The following EIF4ENIF1 variants were observed in gnomAD, a reference collection of about 807,000 sequenced individuals.
The protein encoded by EIF4ENIF1 is eukaryotic translation initiation factor 4E transporter.
EIF4ENIF1 carries 23 observed loss-of-function variants against 110.5 expected under a neutral mutation model. The ratio of observed to expected loss-of-function variants is 0.21; its 90% CI spans 0.15 to 0.29. The LOEUF (loss-of-function observed/expected upper bound fraction) is 0.29. EIF4ENIF1 is among the 10% of genes least tolerant of loss of function. The pLI, the probability that EIF4ENIF1 is intolerant of heterozygous loss-of-function variation, is 1.00. For missense variants in EIF4ENIF1, 1,031 were observed against 1,221.1 expected, an observed-to-expected ratio of 0.84 and a Z score of 2.32; for synonymous variants, 440 against 437.0, an observed-to-expected ratio of 1.01 and a Z score of -0.09.
At chr22:31,484,065 C>T (rs1288942882) in intron 2 of EIF4ENIF1, among the ~76,000 whole-genome samples, 1 of 152,154 alleles carries the variant, frequency 6.6e-6, no homozygotes, top group Non-Finnish European at 1.5e-5. Context: ...TTACTTGACA[C>T]CACCAACACC....
rs753934692 is a variant in EIF4ENIF1 at position 31,455,276 on chromosome 22, C to T, written c.1139G>A (p.Gly380Glu). 8.7e-6 allele frequency: 14 copies of T among 1,611,300 alleles called. No homozygotes were observed. Among genetic ancestry groups the T allele is most frequent in the South Asian group, 2.2e-5 (2 of 90,110 alleles). ...QAILSPGQNS[G>E]NYFAPIPLED... ...CAATGGTATAGGAGCAAAGTAATTC[C>T]CCGAGTTCTGTCCAGGAGAGAGGAT... is the stretch of plus-strand genomic sequence containing the variant. Residue 380 changes from glycine to glutamate, a missense_variant, in exon 9 of 19, where the codon GGG becomes GAG. By Grantham distance (98) the Gly-to-Glu change is moderately conservative (BLOSUM62 -2). Transcript: ENST00000330125.
In EIF4ENIF1 at chr22:31,449,257, ACCTCGG is replaced by A. The variant is rs1349443598; in HGVS notation, c.1768+85_1768+90del. The A allele has an allele frequency of 3.6e-6, 5 of 1,378,294 alleles. No individual in the cohort carries two copies. In the East Asian group the frequency reaches 7.0e-5, roughly 19 times the overall value. 85.4% of individuals were successfully genotyped at this position (1,378,294 alleles called of 1,614,324 possible). A position where few individuals can be genotyped will look rare whatever the true frequency, so the allele number is the denominator to read the frequency against. ...ACTTCTGACCTCAGGTGATCTGCCC[ACCTCGG>A]CCTCCCAGAGTGCTGGAATTACAGG... On this transcript the variant is annotated intron_variant, in intron 12 of 18. Coordinates refer to ENST00000330125, the MANE Select transcript of EIF4ENIF1 (RefSeq NM_019843.4).
chr22:31,490,781 G>A (rs2052250125), upstream of EIF4ENIF1, among the ~76,000 whole-genome samples: 1 of 152,174 alleles, frequency 6.6e-6, no homozygotes, highest in Admixed American at 6.6e-5. Context: ...CTGCCCTGTG[G>A]TACTGCGCAG....
At chr22:31,447,635 C>G in intron 13 of EIF4ENIF1, 70 bp from the exon 14 acceptor site, 1 of 1,505,532 alleles carries the variant, frequency 6.6e-7, no homozygotes, top group Non-Finnish European at 8.9e-7. Context: ...GGTTTCTCTT[C>G]ACTCTTAGAA....
At chr22:31,470,964 A>G (rs536019023) in intron 3 of EIF4ENIF1, among the ~76,000 whole-genome samples, 1 of 150,668 alleles carries the variant, frequency 6.6e-6, no homozygotes, top group African/African-American at 2.4e-5. Context: ...GTGAGCCCAG[A>G]TCGCGCCAAT....
At chr22:31,464,203 G>A in intron 4 of EIF4ENIF1, 3 of 488,526 alleles carry the variant, frequency 6.1e-6, no homozygotes, top group South Asian at 7.0e-5. Context: ...AATTTTCCAT[G>A]ATTAGTCTTT....
chr22:31,463,197 G>A, intron 5 of EIF4ENIF1, 64 bp from the exon 6 acceptor site: 1 of 1,493,140 alleles, frequency 6.7e-7, no homozygotes, highest in Non-Finnish European at 9.2e-7. Context: ...TTCAGTCAAG[G>A]TCTTCGTTGT....
intron 2 of EIF4ENIF1, among the ~76,000 whole-genome samples, chr22:31,477,430 T>G (rs1365070357): frequency 6.6e-6 from 1 of 151,214 alleles, no homozygotes; most frequent in African/African-American, 2.4e-5. Context: ...AGTTAATGTT[T>G]TGTTCAATAT....
intron 4 of EIF4ENIF1, among the ~76,000 whole-genome samples, chr22:31,465,646 T>C (rs1051014437): frequency 2.6e-5 from 4 of 152,212 alleles, no homozygotes; most frequent in Non-Finnish European, 5.9e-5. Flanking sequence ...ACATCTGCTA[T>C]ACAACCCAGC....
In EIF4ENIF1 at chr22:31,488,612, G is replaced by A. The variant is rs367757481; in HGVS notation, c.96+11C>T. On this transcript the variant is annotated intron_variant, in intron 2 of 18. Transcript: ENST00000330125. Reference sequence around the variant, plus strand: ...AAAAAGAAACACTATTTCATTAGTGGCAAACCTTACTTTTGTATAGCGATG... The same window carrying A: ...AAAAAGAAACACTATTTCATTAGTGACAAACCTTACTTTTGTATAGCGATG... 5 of 1,613,730 alleles carry A rather than the reference G, an allele frequency of 3.1e-6. No individual in the cohort carries two copies. In the East Asian group the frequency reaches 8.9e-5, roughly 29 times the overall value.
At chr22:31,477,833 G>A (rs539023978) in intron 2 of EIF4ENIF1, among the ~76,000 whole-genome samples, 1 of 152,304 alleles carries the variant, frequency 6.6e-6, no homozygotes, top group East Asian at 1.9e-4. Flanking sequence ...GGGAGTCACT[G>A]TAAACATCTA....
chr22:31,447,174 A>G (rs1209487904), intron 14 of EIF4ENIF1, among the ~76,000 whole-genome samples: 1 of 152,216 alleles, frequency 6.6e-6, no homozygotes. Flanking sequence ...AAACTCAAGG[A>G]AAAAAAGTAA....
At chr22:31,466,540 C>T (rs2051194043) in intron 4 of EIF4ENIF1, among the ~76,000 whole-genome samples, 1 of 149,510 alleles carries the variant, frequency 6.7e-6, no homozygotes, top group African/African-American at 2.5e-5. Context: ...AGAGACCACG[C>T]CACTGTACTC....
intron 8 of EIF4ENIF1, 62 bp from the exon 9 acceptor site, chr22:31,455,377 C>A: frequency 1.2e-4 from 129 of 1,083,206 alleles, no homozygotes; most frequent in Non-Finnish European, 1.5e-4. Context: ...ATGCCTTCGA[C>A]AGTATTTTTC....
intron 3 of EIF4ENIF1, among the ~76,000 whole-genome samples, chr22:31,470,848 A>G (rs1201042314): frequency 6.6e-6 from 1 of 151,676 alleles, no homozygotes; most frequent in African/African-American, 2.4e-5. Flanking sequence ...CATAGGTACC[A>G]TAAATACAAA....
In EIF4ENIF1 at chr22:31,461,104, A is replaced by G. The variant is rs570699865; in HGVS notation, c.787+1828T>C. ...TTCTGATGGGTACATGTGTTCTTCA[A>G]TGCTAAAGGTAACCCTTAAGTTATG... On this transcript the variant is annotated intron_variant, in intron 6 of 18. Coordinates refer to ENST00000330125, the MANE Select transcript of EIF4ENIF1 (RefSeq NM_019843.4). 1.4e-4 allele frequency among the ~76,000 whole-genome samples: 21 copies of G among 152,330 alleles called. No individual in the cohort carries two copies. In the South Asian group the frequency reaches 3.9e-3, roughly 29 times the overall value.
At chr22:31,465,998 G>A (rs28813125) in intron 4 of EIF4ENIF1, among the ~76,000 whole-genome samples, 2 of 152,142 alleles carry the variant, frequency 1.3e-5, no homozygotes, top group Admixed American at 6.5e-5. Flanking sequence ...AGATCAGTCC[G>A]GACACTATGG....
At chr22:31,475,109 T>G (rs2051524794) in intron 2 of EIF4ENIF1, among the ~76,000 whole-genome samples, 1 of 152,216 alleles carries the variant, frequency 6.6e-6, no homozygotes, top group Admixed American at 6.5e-5. Flanking sequence ...ATACTTCAGT[T>G]TTAAGACCAG....
intron 2 of EIF4ENIF1, among the ~76,000 whole-genome samples, chr22:31,477,900 G>A (rs1311040923): frequency 6.6e-6 from 1 of 152,178 alleles, no homozygotes; most frequent in Non-Finnish European, 1.5e-5. Context: ...GTTCCATGGT[G>A]TCAAGGAGTG....
Sources: allele counts gnomAD v4.1 joint callset (sites outside exome capture counted in the v4.1 genomes callset), GRCh38; gene constraint gnomAD v4.1.1; transcripts MANE v1.5; gene names NCBI Gene and HGNC (gene_info 2026-07-23, HGNC 2026-07-21).